The following KLHL1 variants were observed in gnomAD, a reference collection of about 807,000 sequenced individuals.
KLHL1 encodes the protein kelch-like protein 1.
Under a neutral mutation model 77.7 loss-of-function variants are expected in KLHL1, and 47 were observed. The ratio of observed to expected loss-of-function variants is 0.60; its 90% CI spans 0.48 to 0.77. KLHL1 has a LOEUF of 0.77. KLHL1 is among the 30% of genes least tolerant of loss of function. KLHL1 has a pLI of 0.00. For synonymous variants in KLHL1, 360 were observed against 325.2 expected (o/e 1.11, Z -1.15); for missense variants, 925 against 910.8 (o/e 1.02, Z -0.20).
At chr13:69,779,527 CTTTTTTTCTTA>C (rs1238019940) in intron 7 of KLHL1, among the ~76,000 whole-genome samples, 1 of 151,184 alleles carries the variant, frequency 6.6e-6, no homozygotes, top group Non-Finnish European at 1.5e-5. Context: ...TTCTTTCCCT[CTTTTTTTCTTA>C]TTTCTCTTTT....
At chr13:69,897,692 T>G (rs1881697821) in intron 4 of KLHL1, among the ~76,000 whole-genome samples, 1 of 152,126 alleles carries the variant, frequency 6.6e-6, no homozygotes, top group Non-Finnish European at 1.5e-5. Context: ...CTCACCATCC[T>G]CAGTTGATGA....
intron 1 of KLHL1, among the ~76,000 whole-genome samples, chr13:70,069,379 C>T (rs1332614530): frequency 6.6e-6 from 1 of 152,152 alleles, no homozygotes; most frequent in African/African-American, 2.4e-5. Flanking sequence ...CAACTCCTAT[C>T]AAGAGAAACA....
chr13:69,921,138 A>G (rs939045479), intron 4 of KLHL1, among the ~76,000 whole-genome samples: 3 of 152,202 alleles, frequency 2.0e-5, no homozygotes, highest in African/African-American at 7.2e-5. Context: ...TGCAATTATA[A>G]TAGCATTTTC....
At chr13:70,083,821 A>G (rs1887452665) in intron 1 of KLHL1, among the ~76,000 whole-genome samples, 1 of 152,160 alleles carries the variant, frequency 6.6e-6, no homozygotes, top group Non-Finnish European at 1.5e-5. Flanking sequence ...TACATTGTAT[A>G]CATATATTTA....
At chr13:70,073,102 C>T (rs1310779681) in intron 1 of KLHL1, among the ~76,000 whole-genome samples, 1 of 152,140 alleles carries the variant, frequency 6.6e-6, no homozygotes, top group Non-Finnish European at 1.5e-5. Flanking sequence ...TATAAAGACA[C>T]ATGCACATGT....
chr13:69,726,638 C>A (rs113709010), intron 8 of KLHL1, among the ~76,000 whole-genome samples: 1,544 of 152,096 alleles, frequency 0.01, 24 homozygotes, highest in African/African-American at 0.034. Context: ...AAAACATACC[C>A]AAATTTATGA....
At position 69,855,321 on chromosome 13, in the gene KLHL1, TAGATAGATAGATAGATAGATAGATAGAC is replaced by T. The variant is rs1288681055; in HGVS notation, c.1228-16187_1228-16160del. 2.8e-3 allele frequency among the ~76,000 whole-genome samples: 408 copies of T among 143,546 alleles called. 3 individuals are homozygous for T. Among genetic ancestry groups the T allele is most frequent in the Middle Eastern group, 3.5e-3 (1 of 286 alleles). The allele number at this position is 143,546 out of a possible 152,430, so 94.2% of individuals were successfully genotyped here. On this transcript the variant is annotated intron_variant, in intron 5 of 10. Transcript: ENST00000377844. ...ATAGATAGATAGATAGATAGATAGA[TAGATAGATAGATAGATAGATAGATAGAC>T]AGACAGATAGATACATAGAGAGATA... is the stretch of plus-strand genomic sequence containing the variant.
At chr13:69,791,520 A>C (rs1365114456) in intron 7 of KLHL1, among the ~76,000 whole-genome samples, 1 of 152,226 alleles carries the variant, frequency 6.6e-6, no homozygotes, top group Non-Finnish European at 1.5e-5. Context: ...ATCACACTAC[A>C]TGATTTTAAA....
At chr13:69,786,953 G>A (rs1458415122) in intron 7 of KLHL1, among the ~76,000 whole-genome samples, 1 of 152,196 alleles carries the variant, frequency 6.6e-6, no homozygotes, top group African/African-American at 2.4e-5. Context: ...TACAAGGGAT[G>A]TGAAGGACCT....
At chr13:70,079,958 G>A (rs970598888) in intron 1 of KLHL1, among the ~76,000 whole-genome samples, 1 of 152,120 alleles carries the variant, frequency 6.6e-6, no homozygotes, top group Non-Finnish European at 1.5e-5. Context: ...GCCAGTGCAG[G>A]TTCACACCAG....
At chr13:70,100,470 A>T (rs557392437) in intron 1 of KLHL1, among the ~76,000 whole-genome samples, 2,718 of 152,034 alleles carry the variant, frequency 0.018, 43 homozygotes, top group Middle Eastern at 0.027. Context: ...CTTCATTTTT[A>T]CAGATATGAC....
intron 2 of KLHL1, among the ~76,000 whole-genome samples, chr13:69,973,659 A>T (rs7324212): frequency 0.33 from 49,732 of 151,682 alleles, 8,669 homozygotes; most frequent in African/African-American, 0.43. Flanking sequence ...CAACTGTTTC[A>T]TCTTGCAAAA....
chr13:69,778,801 T>C (rs1475274565), intron 7 of KLHL1, among the ~76,000 whole-genome samples: 1 of 143,698 alleles, frequency 7.0e-6, no homozygotes, highest in Non-Finnish European at 1.5e-5. Context: ...TCTTTTTTTT[T>C]TTTTTTTTTT....
chr13:70,024,622 C>CTCTCTCTCTCTTTCTCTCTTTCTCTCTT (rs1566508802), intron 1 of KLHL1, among the ~76,000 whole-genome samples: 1 of 38,134 alleles, frequency 2.6e-5, no homozygotes. Context: ...GAAAAGATTT[C>CTCTCTCTCTCTTTCTCTCTTTCTCTCTT]TCTCTCTCTC....
intron 7 of KLHL1, among the ~76,000 whole-genome samples, chr13:69,788,811 G>A (rs913814767): frequency 6.6e-6 from 1 of 152,114 alleles, no homozygotes; most frequent in Non-Finnish European, 1.5e-5. Flanking sequence ...AGAAAGACTT[G>A]ATCAGAGATC....
intron 6 of KLHL1, among the ~76,000 whole-genome samples, chr13:69,799,899 T>C (rs1332798528): frequency 2.6e-5 from 4 of 152,312 alleles, no homozygotes; most frequent in East Asian, 3.9e-4. Context: ...AGACCAGCCG[T>C]GGCATTAAAT....
chr13:69,869,165 A>C (rs908639987), intron 5 of KLHL1, among the ~76,000 whole-genome samples: 1 of 152,132 alleles, frequency 6.6e-6, no homozygotes, highest in South Asian at 2.1e-4. Context: ...TCCATTAATA[A>C]ATTCTACCTG....
At chr13:69,915,541 T>C (rs1262725396) in intron 4 of KLHL1, among the ~76,000 whole-genome samples, 5 of 152,224 alleles carry the variant, frequency 3.3e-5, no homozygotes, top group African/African-American at 4.8e-5. Context: ...GCTAGCCATA[T>C]GTAGAAAGCT....
At chr13:70,033,943 C>T (rs1290589499) in intron 1 of KLHL1, among the ~76,000 whole-genome samples, 9 of 152,062 alleles carry the variant, frequency 5.9e-5, no homozygotes, top group Non-Finnish European at 1.3e-4. Context: ...AAAATCCAAT[C>T]CTTAAGCCCT....
Sources: allele counts gnomAD v4.1 joint callset (sites outside exome capture counted in the v4.1 genomes callset), GRCh38; gene constraint gnomAD v4.1.1; transcripts MANE v1.5; gene names NCBI Gene and HGNC (gene_info 2026-07-23, HGNC 2026-07-21).